The following TNIK variants were observed in gnomAD, a reference collection of about 807,000 sequenced individuals.
TNIK encodes TRAF2 and NCK-interacting protein kinase.
A neutral mutation model predicts 191.3 loss-of-function variants in TNIK; 49 were observed. That is an observed-to-expected ratio of 0.26 (90% confidence interval 0.20 to 0.32). The LOEUF (loss-of-function observed/expected upper bound fraction) is 0.32, where lower values mean the gene tolerates loss of function less well. Among genes scored for constraint, TNIK ranks in the 10% least tolerant of loss-of-function variants. The pLI, the probability that TNIK is intolerant of heterozygous loss-of-function variation, is 1.00. For missense variants in TNIK, 1,155 were observed against 1,702.3 expected, an observed-to-expected ratio of 0.68 and a Z score of 5.66; for synonymous variants, 594 against 600.9, an observed-to-expected ratio of 0.99 and a Z score of 0.17.
intron 23 of TNIK, among the ~76,000 whole-genome samples, chr3:171,093,090 G>A (rs61792365): frequency 0.071 from 10,854 of 152,228 alleles, 435 homozygotes; most frequent in Middle Eastern, 0.13. Context: ...AATGTTCTCA[G>A]CCATTTCTTT....
At chr3:171,215,411 T>A (rs1355059919) in intron 3 of TNIK, among the ~76,000 whole-genome samples, 1 of 152,150 alleles carries the variant, frequency 6.6e-6, no homozygotes, top group Non-Finnish European at 1.5e-5. Context: ...TGAAGCTGGA[T>A]CCTATTTTAC....
intron 1 of TNIK, among the ~76,000 whole-genome samples, chr3:171,418,251 C>T (rs1723334769): frequency 6.6e-6 from 1 of 152,140 alleles, no homozygotes; most frequent in Non-Finnish European, 1.5e-5. Context: ...TATTCTGCTA[C>T]CTCTACGTAT....
chr3:171,296,603 A>ACC (rs1486783724), intron 2 of TNIK, among the ~76,000 whole-genome samples: 2 of 152,208 alleles, frequency 1.3e-5, no homozygotes, highest in South Asian at 4.1e-4. Context: ...GGAGCAAGTT[A>ACC]CCTCACAGGA....
At chr3:171,079,685 G>T (rs371386096) in intron 27 of TNIK, 33 bp from the exon 28 acceptor site, 42 of 1,571,872 alleles carry the variant, frequency 2.7e-5, no homozygotes, top group Non-Finnish European at 6.0e-6. Flanking sequence ...ATTTCAAATT[G>T]CTGTGACAGC....
chr3:171,361,964 A>G (rs907127004), intron 2 of TNIK, among the ~76,000 whole-genome samples: 3 of 152,138 alleles, frequency 2.0e-5, no homozygotes, highest in African/African-American at 7.2e-5. Flanking sequence ...TAAGGGTAGA[A>G]CCAAAACCAT....
chr3:171,238,613 C>T (rs1271869038), intron 2 of TNIK, among the ~76,000 whole-genome samples: 1 of 152,060 alleles, frequency 6.6e-6, no homozygotes, highest in African/African-American at 2.4e-5. Flanking sequence ...CACCACCCTT[C>T]CCCAACAAGC....
At chr3:171,304,973 C>A (rs1408907072) in intron 2 of TNIK, among the ~76,000 whole-genome samples, 1 of 140,342 alleles carries the variant, frequency 7.1e-6, no homozygotes, top group Non-Finnish European at 1.5e-5. Flanking sequence ...CAAACCTGCA[C>A]GTTGTGTACA....
At chr3:171,304,235 G>A (rs1445643508) in intron 2 of TNIK, among the ~76,000 whole-genome samples, 1 of 152,168 alleles carries the variant, frequency 6.6e-6, no homozygotes, top group East Asian at 1.9e-4. Context: ...CACAAGGAAA[G>A]CAGAGGAGGA....
In TNIK at chr3:171,190,620, A is replaced by G. The variant is rs553674580; in HGVS notation, c.508+77T>C. On this transcript the variant is annotated intron_variant, in intron 6 of 32. Transcript: ENST00000436636. ...TCTCCAAATCCACGGTGACAAATTA[A>G]CATTAATTTTTTTAGAGCTGTTAAT... is the stretch of plus-strand genomic sequence containing the variant. 2.6e-6 allele frequency: 3 copies of G among 1,133,564 alleles called. No individual in the cohort carries two copies. In the African/African-American group the frequency reaches 4.6e-5, roughly 18 times the overall value. 70.2% of individuals were successfully genotyped at this position (1,133,564 alleles called of 1,614,324 possible).
chr3:171,329,050 T>C (rs1280203725), intron 2 of TNIK, among the ~76,000 whole-genome samples: 1 of 152,236 alleles, frequency 6.6e-6, no homozygotes, highest in East Asian at 1.9e-4. Flanking sequence ...TTTCATACTA[T>C]TCTTGATGCC....
chr3:171,382,683 A>G (rs1718199369), intron 1 of TNIK, among the ~76,000 whole-genome samples: 1 of 152,156 alleles, frequency 6.6e-6, no homozygotes, highest in South Asian at 2.1e-4. Context: ...AGTTCAAATC[A>G]TTGTGATGAC....
chr3:171,415,295 C>T (rs1241904407), intron 1 of TNIK, among the ~76,000 whole-genome samples: 2 of 152,192 alleles, frequency 1.3e-5, no homozygotes, highest in African/African-American at 4.8e-5. Context: ...CACTACTAGA[C>T]ATTTTACAAA....
chr3:171,321,540 C>T (rs1039726928), intron 2 of TNIK, among the ~76,000 whole-genome samples: 1 of 152,086 alleles, frequency 6.6e-6, no homozygotes, highest in Admixed American at 6.6e-5. Flanking sequence ...TACCAAGTCC[C>T]CCTCATGCCA....
chr3:171,361,115 A>G (rs767986972), intron 2 of TNIK, among the ~76,000 whole-genome samples: 2 of 151,654 alleles, frequency 1.3e-5, no homozygotes, highest in Non-Finnish European at 2.9e-5. Flanking sequence ...TACACTACAG[A>G]CAGCCTCAGC....
intron 2 of TNIK, among the ~76,000 whole-genome samples, chr3:171,264,538 A>G (rs1418900401): frequency 6.6e-6 from 1 of 152,034 alleles, no homozygotes; most frequent in African/African-American, 2.4e-5. Flanking sequence ...TATTTTTAGT[A>G]GAGATGGGGT....
At chr3:171,395,696 A>T (rs976404027) in intron 1 of TNIK, among the ~76,000 whole-genome samples, 1 of 152,224 alleles carries the variant, frequency 6.6e-6, no homozygotes, top group South Asian at 2.1e-4. Context: ...TTTTTAACTT[A>T]TGAAATACAG....
chr3:171,135,739 C>T (rs1022908766), intron 15 of TNIK, among the ~76,000 whole-genome samples: 1 of 152,176 alleles, frequency 6.6e-6, no homozygotes, highest in African/African-American at 2.4e-5. Context: ...ACTGGGAAAC[C>T]TCACATCAGG....
intron 4 of TNIK, among the ~76,000 whole-genome samples, chr3:171,210,419 A>T (rs547999985): frequency 6.6e-6 from 1 of 152,336 alleles, no homozygotes; most frequent in African/African-American, 2.4e-5. Context: ...TTGGTATCAA[A>T]CACAGTAAAC....
At chr3:171,430,921 A>T (rs570476207) in intron 1 of TNIK, among the ~76,000 whole-genome samples, 8 of 152,278 alleles carry the variant, frequency 5.3e-5, no homozygotes, top group Non-Finnish European at 1.2e-4. Flanking sequence ...CCAAGAGAAG[A>T]GTAGACCTTA....
Sources: gnomAD v4.1 joint callset for allele counts (sites outside exome capture counted in the v4.1 genomes callset) on GRCh38, gnomAD v4.1.1 for gene constraint, MANE v1.5 for transcripts, NCBI Gene and HGNC (gene_info 2026-07-23, HGNC 2026-07-21) for gene names.